PIK3R3: variants seen among roughly 807,000 people sequenced by gnomAD.
The protein encoded by PIK3R3 is phosphatidylinositol 3-kinase regulatory subunit gamma.
In PIK3R3, 64 loss-of-function variants were observed where a neutral mutation model predicts 62.9. The observed-to-expected ratio is 1.02, with a 90% CI of 0.83 to 1.25. PIK3R3 has a LOEUF of 1.25. Among genes scored for constraint, PIK3R3 ranks in the 50% most tolerant of loss-of-function variants. The pLI, the probability that PIK3R3 is intolerant of heterozygous loss-of-function variation, is 0.00. For missense variants in PIK3R3, 614 were observed against 561.6 expected, an observed-to-expected ratio of 1.09 and a Z score of -0.94; for synonymous variants, 165 against 189.0, an observed-to-expected ratio of 0.87 and a Z score of 1.04.
In PIK3R3 at chr1:46,043,097, A is replaced by G. The variant is rs1707337; in HGVS notation, c.*576T>C. 155,030 of 227,918 alleles carry G rather than the reference A, an allele frequency of 0.68. 53,060 individuals are homozygous for G. Among genetic ancestry groups the G allele is most frequent in the Non-Finnish European group, 0.71 (81,219 of 114,640 alleles). 14.1% of individuals were successfully genotyped at this position (227,918 alleles called of 1,614,324 possible). On this transcript the variant is annotated 3_prime_UTR_variant, in exon 10 of 10. Coordinates refer to ENST00000262741, the MANE Select transcript of PIK3R3 (RefSeq NM_003629.4). ...CTAAATTATGTTGGTAAGAAACAAA[A>G]TACCTTCAGTTGAAGGTTTTTTTTA...
chr1:46,049,989 C>T (rs764267290), intron 7 of PIK3R3, among the ~76,000 whole-genome samples: 6 of 151,540 alleles, frequency 4.0e-5, no homozygotes, highest in Non-Finnish European at 7.4e-5. Context: ...GGCATGGTGG[C>T]GCACGCCTGT....
At chr1:46,169,863 T>G in the PIK3R3 span, among the ~76,000 whole-genome samples, 1 of 152,262 alleles carries the variant, frequency 6.6e-6, no homozygotes, top group East Asian at 1.9e-4. Flanking sequence ...CTTTGTTGTT[T>G]GCTGAATAAC....
chr1:46,060,608 T>G (rs114927846), intron 6 of PIK3R3, among the ~76,000 whole-genome samples: 1,802 of 152,326 alleles, frequency 0.012, 29 homozygotes, highest in African/African-American at 0.038. Context: ...GAAAACAGAC[T>G]GAGAAAAGTT....
chr1:46,174,190 T>C, the PIK3R3 span, among the ~76,000 whole-genome samples: 4 of 152,338 alleles, frequency 2.6e-5, no homozygotes, highest in East Asian at 7.7e-4. Flanking sequence ...TATGTGTCTA[T>C]GAGTTCACTT....
In PIK3R3 at chr1:46,043,776, A is replaced by C; in HGVS notation, c.1283T>G (p.Leu428Arg). 1 of 1,613,854 alleles carries C rather than the reference A, an allele frequency of 6.2e-7. No homozygotes were observed. Residue 428 changes from leucine (L) to arginine (R), a missense_variant, in exon 10 of 10, where the codon CTA becomes CGA. Coordinates refer to ENST00000262741, the MANE Select transcript of PIK3R3 (RefSeq NM_003629.4). ...PYNLYSSLKE[L>R]VLHYQQTSLV... ...GGATGTCTGCTGGTAATGGAGCACT[A>C]GCTCCTTCAGAGAGCTGTACAGGTT...
In PIK3R3 at chr1:46,094,871, CGTT is replaced by C. The variant is rs1230649115; in HGVS notation, c.107-14124_107-14122del. On this transcript the variant is annotated intron_variant, in intron 1 of 9. Coordinates refer to ENST00000262741, the MANE Select transcript of PIK3R3 (RefSeq NM_003629.4). ...TAGAATTTGGATCGTATGTTACTGA[CGTT>C]GAGAGAGAAAACTGTGCCATTTCCA... 4.6e-5 allele frequency among the ~76,000 whole-genome samples: 7 copies of C among 152,132 alleles called. No individual in the cohort carries two copies. The East Asian group carries it at 1.3e-3, about 29-fold the overall frequency.
upstream of PIK3R3, chr1:46,132,691 C>G: frequency 7.8e-7 from 1 of 1,289,734 alleles, no homozygotes; most frequent in Non-Finnish European, 1.0e-6. Context: ...CCGCCCCATG[C>G]TGCCCACCCG....
At chr1:46,167,913 T>C in the PIK3R3 span, among the ~76,000 whole-genome samples, 2 of 152,228 alleles carry the variant, frequency 1.3e-5, no homozygotes, top group African/African-American at 4.8e-5. Flanking sequence ...CCCAGCACTT[T>C]GGGAGGCTGA....
chr1:46,055,436 T>C (rs1262707053), intron 7 of PIK3R3, among the ~76,000 whole-genome samples: 4 of 152,150 alleles, frequency 2.6e-5, no homozygotes, highest in Non-Finnish European at 5.9e-5. Context: ...TCAGAGGAAA[T>C]AGAAATTCCC....
chr1:46,105,269 CGAG>C (rs1653089679), intron 1 of PIK3R3: 1 of 293,538 alleles, frequency 3.4e-6, no homozygotes, highest in African/African-American at 2.2e-5. Flanking sequence ...TTTGGGAGGC[CGAG>C]GAGGGCAGAT....
chr1:46,166,931 T>G, the PIK3R3 span, among the ~76,000 whole-genome samples: 1 of 152,236 alleles, frequency 6.6e-6, no homozygotes, highest in South Asian at 2.1e-4. Context: ...CCAGCCTGTT[T>G]AAGGAGCTCC....
chr1:46,168,160 A>C, the PIK3R3 span, among the ~76,000 whole-genome samples: 15 of 152,120 alleles, frequency 9.9e-5, no homozygotes, highest in African/African-American at 3.6e-4. Context: ...CAAAAAAATA[A>C]ATTAATTAAA....
chr1:46,137,452 C>A (rs572487437), upstream of PIK3R3, among the ~76,000 whole-genome samples: 1 of 152,346 alleles, frequency 6.6e-6, no homozygotes, highest in African/African-American at 2.4e-5. Flanking sequence ...TTGGCTGCCC[C>A]AGACTTGCAT....
chr1:46,129,002 C>T (rs373104669), intron 1 of PIK3R3, among the ~76,000 whole-genome samples: 5 of 150,630 alleles, frequency 3.3e-5, no homozygotes, highest in South Asian at 2.1e-4. Context: ...ACTCAGGAGG[C>T]GGAGATTGCA....
the PIK3R3 span, among the ~76,000 whole-genome samples, chr1:46,163,577 G>A: frequency 6.6e-6 from 1 of 152,208 alleles, no homozygotes; most frequent in Non-Finnish European, 1.5e-5. Context: ...AAAACAAGAT[G>A]ATGCTTCTAG....
At chr1:46,159,738 TACACACACAC>T in the PIK3R3 span, among the ~76,000 whole-genome samples, 1 of 148,010 alleles carries the variant, frequency 6.8e-6, no homozygotes, top group Non-Finnish European at 1.5e-5. Flanking sequence ...ATGAGTACCA[TACACACACAC>T]ACACACACAC....
rs1444075544 is a variant in PIK3R3, at chr1:46,056,102, G to A, written c.765-131C>T. ...GTCTCGCTCTGTCACCCAGGCTGGA[G>A]TGTAGTGGCATGATCTCGGCTCACT... On this transcript the variant is annotated intron_variant, in intron 6 of 9. Coordinates refer to ENST00000262741, the MANE Select transcript of PIK3R3 (RefSeq NM_003629.4). 2.3e-5 allele frequency: 14 copies of A among 596,132 alleles called. No homozygotes were observed. In the Admixed American group the frequency reaches 4.9e-4, roughly 21 times the overall value. 36.9% of individuals were successfully genotyped at this position (596,132 alleles called of 1,614,324 possible).
At chr1:46,104,982 T>C in intron 1 of PIK3R3, 2 of 700,974 alleles carry the variant, frequency 2.9e-6, no homozygotes, top group Admixed American at 1.9e-5. Flanking sequence ...GTTCAAAGCA[T>C]TCTGCAAACA....
At chr1:46,083,856 T>C (rs1650828191) in intron 1 of PIK3R3, among the ~76,000 whole-genome samples, 1 of 152,178 alleles carries the variant, frequency 6.6e-6, no homozygotes, top group East Asian at 1.9e-4. Context: ...TGCTGCTGCT[T>C]GGAAAACAGT....
Sources: gnomAD v4.1 joint callset for allele counts (sites outside exome capture counted in the v4.1 genomes callset) on GRCh38, gnomAD v4.1.1 for gene constraint, MANE v1.5 for transcripts, NCBI Gene and HGNC (gene_info 2026-07-23, HGNC 2026-07-21) for gene names.